Variants in EHBP1 observed in about 807,000 individuals in gnomAD.
EHBP1 encodes the protein EH domain-binding protein 1.
Under a neutral mutation model 144.0 loss-of-function variants are expected in EHBP1, and 55 were observed. That is an observed-to-expected ratio of 0.38 (90% confidence interval 0.31 to 0.48). The LOEUF is 0.48. Ranked by LOEUF, EHBP1 falls within the 20% of genes least tolerant of loss-of-function variation. The pLI is 0.98. For synonymous variants in EHBP1, 469 were observed against 472.7 expected, an observed-to-expected ratio of 0.99 and a Z score of 0.10; for missense variants, 1,200 against 1,364.2, an observed-to-expected ratio of 0.88 and a Z score of 1.90.
At chr2:63,019,478 G>A (rs917947625) in intron 19 of EHBP1, among the ~76,000 whole-genome samples, 9 of 152,154 alleles carry the variant, frequency 5.9e-5, no homozygotes, top group South Asian at 2.1e-4. Context: ...GGAGGCCCAG[G>A]CGGGCAGATC....
At chr2:62,845,841 T>C (rs1367379469) in intron 7 of EHBP1, among the ~76,000 whole-genome samples, 1 of 152,086 alleles carries the variant, frequency 6.6e-6, no homozygotes, top group African/African-American at 2.4e-5. Context: ...ATTTTGGAGG[T>C]CAGTTAAAAG....
intron 14 of EHBP1, among the ~76,000 whole-genome samples, chr2:62,971,427 C>T (rs1055756763): frequency 6.6e-6 from 1 of 152,148 alleles, no homozygotes; most frequent in African/African-American, 2.4e-5. Context: ...AGTTGCTCAT[C>T]ATCTCTCTGT....
At chr2:62,874,569 T>A (rs763931978) in intron 10 of EHBP1, 37 bp downstream of exon 10, 19 of 1,501,242 alleles carry the variant, frequency 1.3e-5, no homozygotes, top group Non-Finnish European at 1.7e-5. Context: ...GTATTAATAT[T>A]TGCTGTTTTC....
chr2:62,981,434 A>G (rs997703830), intron 15 of EHBP1, among the ~76,000 whole-genome samples: 1 of 152,234 alleles, frequency 6.6e-6, no homozygotes, highest in African/African-American at 2.4e-5. Flanking sequence ...AGAACAAATA[A>G]TAATAGGATG....
chr2:62,850,418 C>G (rs2048608243), intron 7 of EHBP1, among the ~76,000 whole-genome samples: 1 of 152,010 alleles, frequency 6.6e-6, no homozygotes, highest in Non-Finnish European at 1.5e-5. Flanking sequence ...CTCTGGTGGT[C>G]AATTTCGATC....
intron 1 of EHBP1, among the ~76,000 whole-genome samples, chr2:62,691,818 C>T (rs759880801): frequency 6.6e-6 from 1 of 152,178 alleles, no homozygotes. Context: ...TTTTGCTGAG[C>T]TCTAGCATAT....
At chr2:62,978,776 T>A (rs2058829915) in intron 14 of EHBP1, among the ~76,000 whole-genome samples, 2 of 152,224 alleles carry the variant, frequency 1.3e-5, no homozygotes, top group African/African-American at 2.4e-5. Flanking sequence ...TTTTCTGCTA[T>A]CAAAGACGTC....
intron 5 of EHBP1, among the ~76,000 whole-genome samples, chr2:62,825,257 T>G (rs1203800755): frequency 6.6e-6 from 1 of 152,104 alleles, no homozygotes; most frequent in Non-Finnish European, 1.5e-5. Context: ...ACAAAGTTAA[T>G]GCACAACCAT....
intron 19 of EHBP1, among the ~76,000 whole-genome samples, chr2:63,007,665 T>A (rs952397441): frequency 6.6e-6 from 1 of 151,790 alleles, no homozygotes; most frequent in Non-Finnish European, 1.5e-5. Context: ...TGCCTAAGAA[T>A]ACCAAATATA....
chr2:62,889,089 A>T (rs2152904650), intron 10 of EHBP1, among the ~76,000 whole-genome samples: 1 of 97,354 alleles, frequency 1.0e-5, no homozygotes, highest in Non-Finnish European at 1.8e-5. Context: ...TTTGAGGCAG[A>T]GTCTCACTCT....
At chr2:62,684,577 G>T (rs1000823874) in intron 1 of EHBP1, among the ~76,000 whole-genome samples, 7 of 152,244 alleles carry the variant, frequency 4.6e-5, no homozygotes, top group South Asian at 2.1e-4. Flanking sequence ...GGGCACTGGC[G>T]TGTGTGTTCC....
intron 2 of EHBP1, among the ~76,000 whole-genome samples, chr2:62,734,199 CT>C (rs906344553): frequency 2.3e-4 from 35 of 149,748 alleles, no homozygotes; most frequent in African/African-American, 4.7e-4. Flanking sequence ...TTCAGTATGC[CT>C]TTTTTTTTGA....
intron 10 of EHBP1, among the ~76,000 whole-genome samples, chr2:62,897,657 C>T (rs1229764704): frequency 6.6e-6 from 1 of 152,140 alleles, no homozygotes; most frequent in Non-Finnish European, 1.5e-5. Flanking sequence ...CAAAATTGAA[C>T]TATATTTTTC....
chr2:62,816,686 A>T (rs980198505), intron 5 of EHBP1, among the ~76,000 whole-genome samples: 2 of 152,192 alleles, frequency 1.3e-5, no homozygotes, highest in South Asian at 2.1e-4. Flanking sequence ...TGGAGTTGTC[A>T]TGGATTTAGC....
chr2:62,777,082 G>A (rs866694450), intron 5 of EHBP1, among the ~76,000 whole-genome samples: 4 of 152,146 alleles, frequency 2.6e-5, no homozygotes, highest in East Asian at 3.9e-4. Context: ...TCAAGCGATC[G>A]TCCTGCCTCA....
chr2:62,738,642 A>G (rs1271922492), intron 2 of EHBP1, among the ~76,000 whole-genome samples: 1 of 152,162 alleles, frequency 6.6e-6, no homozygotes, highest in Non-Finnish European at 1.5e-5. Context: ...TCAGATATTT[A>G]GCCTTCTGGA....
intron 7 of EHBP1, among the ~76,000 whole-genome samples, chr2:62,855,209 C>A (rs2152774247): frequency 6.6e-6 from 1 of 152,350 alleles, no homozygotes; most frequent in Non-Finnish European, 1.5e-5. Flanking sequence ...GCACCTGCTC[C>A]AATCTTGGAA....
intron 9 of EHBP1, among the ~76,000 whole-genome samples, chr2:62,871,461 T>C (rs2050476811): frequency 6.6e-6 from 1 of 152,210 alleles, no homozygotes; most frequent in South Asian, 2.1e-4. Flanking sequence ...TGTAGAAATA[T>C]ACACACAAGT....
intron 12 of EHBP1, among the ~76,000 whole-genome samples, chr2:62,945,451 A>G (rs1198995352): frequency 6.6e-6 from 1 of 152,200 alleles, no homozygotes; most frequent in Non-Finnish European, 1.5e-5. Context: ...TGGGACCTTG[A>G]TAGAAGTTCA....
Sources: gnomAD v4.1 joint callset for allele counts (sites outside exome capture counted in the v4.1 genomes callset) on GRCh38, gnomAD v4.1.1 for gene constraint, MANE v1.5 for transcripts, NCBI Gene and HGNC (gene_info 2026-07-23, HGNC 2026-07-21) for gene names.